POU6F2: variants seen among roughly 807,000 people sequenced by gnomAD.
POU6F2 encodes the protein POU class 6 homeobox 2.
In POU6F2, 31 loss-of-function variants were observed where a neutral mutation model predicts 71.3. The observed-to-expected ratio is 0.43, with a 90% CI of 0.33 to 0.59. The LOEUF is 0.59. POU6F2 is among the 20% of genes least tolerant of loss of function. The pLI is 0.04. For synonymous variants in POU6F2, 347 were observed against 355.7 expected, an observed-to-expected ratio of 0.98 and a Z score of 0.27; for missense variants, 783 against 856.8, an observed-to-expected ratio of 0.91 and a Z score of 1.07.
intron 1 of POU6F2, among the ~76,000 whole-genome samples, chr7:39,017,023 G>A (rs1203586757): frequency 1.3e-5 from 2 of 152,208 alleles, no homozygotes; most frequent in Non-Finnish European, 2.9e-5. Context: ...TGGAGGTGTT[G>A]CCCTCAGATG....
At chr7:39,181,667 C>T (rs1205050255) in intron 2 of POU6F2, among the ~76,000 whole-genome samples, 2 of 152,204 alleles carry the variant, frequency 1.3e-5, no homozygotes, top group African/African-American at 2.4e-5. Flanking sequence ...GCTCCTGTTC[C>T]AACTCCTTTC....
At position 39,433,070 on chromosome 7, in the gene POU6F2, C is replaced by T. The variant is rs2302125; in HGVS notation, c.1114-7C>T. 428,011 of 1,612,578 alleles carry T rather than the reference C, an allele frequency of 0.27. 58,903 individuals are homozygous for T. Among genetic ancestry groups the T allele is most frequent in the East Asian group, 0.49 (22,119 of 44,740 alleles). ...GCCAGCTCCTCACCTTTGGCCCTCT[C>T]TTGCAGATTATCGGGACCATTCCAC... On this transcript the variant is annotated splice_region_variant and splice_polypyrimidine_tract_variant and intron_variant, in intron 6 of 9. Coordinates refer to ENST00000518318, the MANE Select transcript of POU6F2 (RefSeq NM_001370959.1).
intron 7 of POU6F2, among the ~76,000 whole-genome samples, chr7:39,439,142 G>T (rs1364785685): frequency 6.6e-6 from 1 of 150,394 alleles, no homozygotes; most frequent in Non-Finnish European, 1.5e-5. Flanking sequence ...ATCTTTGCTG[G>T]TTTAAAGTCT....
At chr7:39,415,277 C>G (rs1216252022) in intron 6 of POU6F2, among the ~76,000 whole-genome samples, 2 of 152,216 alleles carry the variant, frequency 1.3e-5, no homozygotes, top group African/African-American at 4.8e-5. Context: ...CCTGCCTCAG[C>G]CTCCCAAAAT....
intron 5 of POU6F2, among the ~76,000 whole-genome samples, chr7:39,351,798 A>G (rs1786144214): frequency 6.6e-6 from 1 of 152,190 alleles, no homozygotes; most frequent in African/African-American, 2.4e-5. Context: ...TCCATTTCAC[A>G]CATGAGGACG....
intron 1 of POU6F2, among the ~76,000 whole-genome samples, chr7:39,069,831 G>A (rs188115615): frequency 8.5e-4 from 129 of 152,346 alleles, no homozygotes; most frequent in African/African-American, 3.0e-3. Flanking sequence ...AGGTTGAGGA[G>A]GAGGAGGAAG....
At chr7:39,402,569 G>A (rs1411863226) in intron 5 of POU6F2, among the ~76,000 whole-genome samples, 4 of 152,080 alleles carry the variant, frequency 2.6e-5, no homozygotes, top group African/African-American at 4.8e-5. Flanking sequence ...TGAGGAAAAC[G>A]TACTATAAAT....
chr7:38,997,937 G>A (rs1348288269), intron 1 of POU6F2, among the ~76,000 whole-genome samples: 2 of 152,196 alleles, frequency 1.3e-5, no homozygotes, highest in African/African-American at 4.8e-5. Context: ...TTCAAAGGCA[G>A]TGGCCAAACC....
intron 4 of POU6F2, among the ~76,000 whole-genome samples, chr7:39,326,726 T>C (rs1319434882): frequency 6.6e-6 from 1 of 152,198 alleles, no homozygotes; most frequent in Admixed American, 6.5e-5. Flanking sequence ...TAGAACTGCA[T>C]TTTTTTCTTT....
In POU6F2 at chr7:39,207,579, C is replaced by T; in HGVS notation, c.557C>T (p.Ala186Val). 2 of 1,614,002 alleles carry T rather than the reference C, an allele frequency of 1.2e-6. No individual in the cohort carries two copies. The highest frequency in any genetic ancestry group is 2.7e-5 in the African/African-American group (2 of 75,066). Reference protein sequence around the residue: ...TNIQGLVAAAAAGGIMTLPLQ... With the variant: ...TNIQGLVAAAVAGGIMTLPLQ... ...ATCCAAGGGCTGGTGGCAGCAGCTG[C>T]AGCCGGAGGCATTATGACTCTGCCA... is the stretch of plus-strand genomic sequence containing the variant. Residue 186 changes from alanine (A) to valine (V), a missense_variant, in exon 4 of 10, where the codon GCA (alanine) becomes GTA (valine). By Grantham distance (64) the Ala-to-Val change is moderately conservative. Around this residue, in one of 2 missense-constraint regions of POU6F2, gnomAD observed 572 missense variants for 572.9 expected, o/e 1.00. Coordinates refer to ENST00000518318, the MANE Select transcript of POU6F2 (RefSeq NM_001370959.1).
intron 5 of POU6F2, among the ~76,000 whole-genome samples, chr7:39,359,850 G>A (rs1001893685): frequency 3.3e-5 from 5 of 152,108 alleles, no homozygotes; most frequent in African/African-American, 9.7e-5. Context: ...TCAAAGTATG[G>A]AAAAAAGAAA....
chr7:39,427,628 C>A (rs2299130), intron 6 of POU6F2, among the ~76,000 whole-genome samples: 45,615 of 151,960 alleles, frequency 0.3, 7,238 homozygotes, highest in East Asian at 0.54. Flanking sequence ...CTAGCGTTAA[C>A]AAAAATCTCT....
chr7:39,312,975 G>C (rs1251156401), intron 4 of POU6F2, among the ~76,000 whole-genome samples: 2 of 152,152 alleles, frequency 1.3e-5, no homozygotes, highest in Non-Finnish European at 2.9e-5. Flanking sequence ...GCTGACCACG[G>C]GTAATTGAAA....
At chr7:39,182,428 G>A (rs1285172687) in intron 2 of POU6F2, among the ~76,000 whole-genome samples, 2 of 152,100 alleles carry the variant, frequency 1.3e-5, no homozygotes, top group Non-Finnish European at 2.9e-5. Context: ...CTGAAATGCA[G>A]TCTCAATTCT....
chr7:39,085,598 C>T (rs1227693686), intron 1 of POU6F2, among the ~76,000 whole-genome samples: 3 of 149,978 alleles, frequency 2.0e-5, no homozygotes, highest in African/African-American at 7.3e-5. Context: ...TTTTTTCCTC[C>T]GAAGCCTCCT....
intron 1 of POU6F2, among the ~76,000 whole-genome samples, chr7:39,019,225 TC>T (rs1789625049): frequency 6.6e-6 from 1 of 152,172 alleles, no homozygotes; most frequent in African/African-American, 2.4e-5. Flanking sequence ...AATTTTAAGT[TC>T]AAAATAATTC....
At chr7:39,421,150 G>A (rs1482712826) in intron 6 of POU6F2, among the ~76,000 whole-genome samples, 5 of 151,964 alleles carry the variant, frequency 3.3e-5, no homozygotes, top group South Asian at 2.1e-4. Flanking sequence ...GCAATTTTAC[G>A]AGAAAAACTC....
Position 39,433,232 on chromosome 7 carries a change from C to A in POU6F2, c.1269C>A (p.Pro423=). Residue 423 remains proline, a synonymous_variant, in exon 7 of 10, where the codon CCC becomes CCA. Transcript: ENST00000518318. ...IATVIGNQIL[P]VINTQGITLS... is the part of the protein sequence containing the mutation. Reference sequence around the variant, plus strand: ...CAGTCATTGGGAACCAGATCCTGCCCGTGATCAACACCCAGGGCATCACGC... The same window carrying A: ...CAGTCATTGGGAACCAGATCCTGCCAGTGATCAACACCCAGGGCATCACGC... 1 of 1,613,932 alleles carries A rather than the reference C, an allele frequency of 6.2e-7. No individual in the cohort carries two copies. Among genetic ancestry groups the A allele is most frequent in the Non-Finnish European group, 8.5e-7 (1 of 1,179,884 alleles).
At chr7:39,187,112 C>A (rs1167495205) in intron 2 of POU6F2, among the ~76,000 whole-genome samples, 1 of 152,244 alleles carries the variant, frequency 6.6e-6, no homozygotes, top group Non-Finnish European at 1.5e-5. Context: ...TAGCGCACTG[C>A]ATCCTCACTC....
Sources: allele counts gnomAD v4.1 joint callset (sites outside exome capture counted in the v4.1 genomes callset), GRCh38; gene constraint gnomAD v4.1.1; regional missense constraint gnomAD v4.1.1; transcripts MANE v1.5; gene names NCBI Gene and HGNC (gene_info 2026-07-23, HGNC 2026-07-21).